MLPH: variants seen among roughly 807,000 people sequenced by gnomAD.
MLPH encodes exophilin-3.
A neutral mutation model predicts 72.1 loss-of-function variants in MLPH; 51 were observed. That is an observed-to-expected ratio of 0.71 (90% confidence interval 0.56 to 0.89). The LOEUF (loss-of-function observed/expected upper bound fraction) is 0.89. Ranked by LOEUF, MLPH falls within the 40% of genes least tolerant of loss-of-function variation. MLPH has a pLI of 0.00. For synonymous variants in MLPH, 301 were observed against 310.1 expected, an observed-to-expected ratio of 0.97 and a Z score of 0.31; for missense variants, 743 against 759.9, an observed-to-expected ratio of 0.98 and a Z score of 0.26.
intron 1 of MLPH, among the ~76,000 whole-genome samples, chr2:237,491,175 C>G (rs2079422092): frequency 6.6e-6 from 1 of 152,182 alleles, no homozygotes; most frequent in African/African-American, 2.4e-5. Flanking sequence ...AAATGGTCAG[C>G]AGCACTGATG....
At chr2:237,546,411 T>C (rs2080918974) in intron 12 of MLPH, 195 bp from the exon 13 acceptor site, 1 of 619,172 alleles carries the variant, frequency 1.6e-6, no homozygotes, top group African/African-American at 1.8e-5. Flanking sequence ...GGGTATCCTG[T>C]ATTTTCATTT....
chr2:237,549,267 T>C lies in MLPH; in HGVS notation c.1664T>C (p.Leu555Pro), dbSNP rs1361189601. Residue 555 changes from leucine to proline, a missense_variant, in exon 14 of 16, where the codon CTG (leucine) becomes CCG (proline). By Grantham distance (98) the Leu-to-Pro change is moderately conservative. Transcript: ENST00000264605. Reference protein sequence around the residue: ...YLLRRKFSNSLKSQGKDDDSF... With the variant: ...YLLRRKFSNSPKSQGKDDDSF... ...CTGAGAAGAAAGTTCAGTAATTCCC[T>C]GAAAAGTCAAGGTAAGAGCCCTCTG... 6.2e-7 allele frequency: 1 copy of C among 1,614,090 alleles called. No individual in the cohort carries two copies. The highest frequency in any genetic ancestry group is 1.7e-5 in the Admixed American group (1 of 60,020).
intron 1 of MLPH, among the ~76,000 whole-genome samples, chr2:237,488,320 T>C (rs880932): frequency 0.23 from 35,593 of 151,818 alleles, 4,239 homozygotes; most frequent in South Asian, 0.34. Flanking sequence ...GCAGACCGCG[T>C]TGCTGAGCAG....
intron 13 of MLPH, among the ~76,000 whole-genome samples, chr2:237,548,973 T>A (rs552517111): frequency 6.6e-6 from 1 of 152,236 alleles, no homozygotes; most frequent in Non-Finnish European, 1.5e-5. Flanking sequence ...AAACTTGTAC[T>A]CTTTCTGCCA....
At chr2:237,492,424 T>A (rs577466015) in intron 1 of MLPH, among the ~76,000 whole-genome samples, 27 of 150,102 alleles carry the variant, frequency 1.8e-4, no homozygotes, top group African/African-American at 6.4e-4. Flanking sequence ...GCCCAGGAGT[T>A]CAAGACCAGC....
intron 8 of MLPH, chr2:237,527,772 T>A: frequency 1.9e-6 from 1 of 526,026 alleles, no homozygotes; most frequent in Non-Finnish European, 3.4e-6. Flanking sequence ...ACAATTCCAC[T>A]TCTTGGTATA....
intron 1 of MLPH, among the ~76,000 whole-genome samples, chr2:237,491,525 A>G (rs1238182256): frequency 1.3e-5 from 2 of 152,246 alleles, no homozygotes; most frequent in Admixed American, 1.3e-4. Context: ...GGGAACGGAC[A>G]GAGGTGCTAT....
intron 12 of MLPH, among the ~76,000 whole-genome samples, 176 bp downstream of exon 12, chr2:237,542,835 G>GT (rs2080737429): frequency 2.6e-5 from 1 of 38,264 alleles, no homozygotes; most frequent in East Asian, 8.5e-4. Context: ...ACAGTGGTGA[G>GT]TGGGGGACAG....
Position 237,510,681 on chromosome 2 carries a change from T to A in MLPH, c.218T>A (p.Leu73Gln). 6.2e-7 allele frequency: 1 copy of A among 1,613,828 alleles called. No individual in the cohort carries two copies. Among genetic ancestry groups the A allele is most frequent in the Non-Finnish European group, 8.5e-7 (1 of 1,180,040 alleles). The stretch of plus-strand genomic sequence containing the variant: ...GCCCGCTGCCTGCAGCCCTACCAGC[T>A]GCTTGTGAATAGCAAAAGGCAGTGC... ...HCARCLQPYQLLVNSKRQCLE... is the reference protein window; with the variant it reads ...HCARCLQPYQQLVNSKRQCLE... Residue 73 changes from leucine to glutamine, a missense_variant, in exon 3 of 16, where the codon CTG becomes CAG. By Grantham distance (113) the Leu-to-Gln change is moderately radical (BLOSUM62 -2). Coordinates refer to ENST00000264605, the MANE Select transcript of MLPH (RefSeq NM_024101.7). This position sits in a 1 kb window ranked among gnomAD's most constrained non-coding sequence, Gnocchi z 4.4.
chr2:237,545,620 A>G, intron 12 of MLPH: 1 of 1,286,140 alleles, frequency 7.8e-7, no homozygotes, highest in Non-Finnish European at 1.0e-6. Flanking sequence ...AGGGCGCGGG[A>G]GGCTCACATC....
intron 7 of MLPH, among the ~76,000 whole-genome samples, chr2:237,526,824 CT>C (rs2080315037): frequency 6.6e-6 from 1 of 152,206 alleles, no homozygotes; most frequent in African/African-American, 2.4e-5. Context: ...ACTGGCAGCA[CT>C]GTCTCTCAAT....
chr2:237,523,036 G>A (rs181122246), intron 6 of MLPH, among the ~76,000 whole-genome samples: 125 of 152,308 alleles, frequency 8.2e-4, no homozygotes, highest in African/African-American at 2.9e-3. Flanking sequence ...ATAAGTATTT[G>A]AAAAGTTGAT....
intron 5 of MLPH, among the ~76,000 whole-genome samples, chr2:237,519,556 C>T (rs2080131011): frequency 6.6e-6 from 1 of 152,212 alleles, no homozygotes; most frequent in Admixed American, 6.5e-5. Flanking sequence ...TATCCGAAGC[C>T]CCAGGGACCC....
intron 4 of MLPH, among the ~76,000 whole-genome samples, chr2:237,516,309 G>T (rs966607602): frequency 6.6e-6 from 1 of 152,212 alleles, no homozygotes; most frequent in African/African-American, 2.4e-5. Flanking sequence ...AGGTCAGTAG[G>T]AGAAAGGAGG....
At chr2:237,514,001 G>C (rs2079961991) in intron 4 of MLPH, among the ~76,000 whole-genome samples, 1 of 152,210 alleles carries the variant, frequency 6.6e-6, no homozygotes, top group South Asian at 2.1e-4. Flanking sequence ...ATACATGGGA[G>C]CCTTCAGAAT....
intron 8 of MLPH, among the ~76,000 whole-genome samples, chr2:237,530,841 G>A (rs1481418894): frequency 6.6e-6 from 1 of 152,210 alleles, no homozygotes; most frequent in Non-Finnish European, 1.5e-5. Context: ...TGTCCCGAGA[G>A]GACTTGAAAC....
intron 5 of MLPH, 51 bp from the exon 6 acceptor site, chr2:237,519,859 T>TC: frequency 6.2e-7 from 1 of 1,613,450 alleles, no homozygotes; most frequent in East Asian, 2.2e-5. Context: ...TTTGGTCCTC[T>TC]CCCTCAAGCT....
At position 237,545,500 on chromosome 2, in the gene MLPH, A is replaced by AAC; in HGVS notation, c.1540-1097_1540-1096dup. On this transcript the variant is annotated intron_variant, in intron 12 of 15. Coordinates refer to ENST00000264605, the MANE Select transcript of MLPH (RefSeq NM_024101.7). The stretch of plus-strand genomic sequence containing the variant: ...CTGAGCCTCTGCTCTGAGGATCTGA[A>AAC]ACACACACACCCTGACAGTGTAAAA... 5.4e-6 allele frequency: 7 copies of AAC among 1,287,472 alleles called. No homozygotes were observed. The South Asian group carries it at 8.6e-5, about 16-fold the overall frequency. The allele number at this position is 1,287,472 out of a possible 1,614,324, so 79.8% of individuals were successfully genotyped here. A position where few individuals can be genotyped will look rare whatever the true frequency, so the allele number is the denominator to read the frequency against.
In MLPH at chr2:237,552,855, CTG is replaced by C. The variant is rs143185450; in HGVS notation, c.1776+430_1776+431del. On this transcript the variant is annotated intron_variant, in intron 15 of 15. Transcript: ENST00000264605. ...TGTATGTGTGTGGCTGCGTTCACCC[CTG>C]TGTGTGTGTGTACTGTGTGCATGCC... 4.4e-3 allele frequency among the ~76,000 whole-genome samples: 664 copies of C among 151,912 alleles called. 3 individuals are homozygous for C. Among genetic ancestry groups the C allele is most frequent in the African/African-American group, 0.015 (629 of 41,430 alleles).
Sources: gnomAD v4.1 joint callset for allele counts (sites outside exome capture counted in the v4.1 genomes callset) on GRCh38, gnomAD v4.1.1 for gene constraint, Gnocchi (gnomAD v3.1) non-coding constraint, MANE v1.5 for transcripts, NCBI Gene and HGNC (gene_info 2026-07-23, HGNC 2026-07-21) for gene names.